Variants in APH1B observed in about 807,000 individuals in gnomAD.
APH1B encodes the protein aph-1B gamma-secretase subunit, also known as gamma-secretase subunit APH-1B.
Under a neutral mutation model 28.2 loss-of-function variants are expected in APH1B, and 27 were observed. The ratio of observed to expected loss-of-function variants is 0.96; its 90% confidence interval spans 0.70 to 1.32. APH1B has a LOEUF of 1.32. Among genes scored for constraint, APH1B ranks in the 40% most tolerant of loss-of-function variants. The pLI, the probability that APH1B is intolerant of heterozygous loss-of-function variation, is 0.00. For missense variants in APH1B, 305 were observed against 313.6 expected (o/e 0.97, Z 0.21); for synonymous variants, 141 against 124.6 (o/e 1.13, Z -0.88).
intron 4 of APH1B, among the ~76,000 whole-genome samples, chr15:63,294,108 CA>C (rs1314789439): frequency 3.5e-5 from 5 of 143,658 alleles, no homozygotes; most frequent in African/African-American, 8.0e-5. Flanking sequence ...ATTTCACAGA[CA>C]TTTTTTTTTT....
chr15:63,289,561 C>T (rs538595528), intron 4 of APH1B, among the ~76,000 whole-genome samples: 10 of 152,306 alleles, frequency 6.6e-5, no homozygotes, highest in African/African-American at 1.2e-4. Flanking sequence ...ACCGACATGA[C>T]GCCACAAGTA....
At position 63,305,594 on chromosome 15, in the gene APH1B, G is replaced by C; in HGVS notation, c.607-20G>C. ...TAAGCTTGCTGTTATTACCCAAGCTGATTTATTTTTCTTTTGCAGACCTTC... is the reference window on the plus strand; with the variant it reads ...TAAGCTTGCTGTTATTACCCAAGCTCATTTATTTTTCTTTTGCAGACCTTC... On this transcript the variant is annotated intron_variant, in intron 5 of 5. Transcript: ENST00000261879. 6.2e-7 allele frequency: 1 copy of C among 1,612,684 alleles called. No individual in the cohort carries two copies. Among genetic ancestry groups the C allele is most frequent in the East Asian group, 2.2e-5 (1 of 44,882 alleles).
At chr15:63,286,515 T>C (rs1438238935) in intron 2 of APH1B, 43 bp from the exon 3 acceptor site, 1 of 1,475,666 alleles carries the variant, frequency 6.8e-7, no homozygotes. Flanking sequence ...TCTTCCTTTT[T>C]TTTTTTTTTT....
intron 4 of APH1B, among the ~76,000 whole-genome samples, chr15:63,298,703 T>C (rs571451489): frequency 1.3e-5 from 2 of 152,192 alleles, no homozygotes; most frequent in Non-Finnish European, 2.9e-5. Flanking sequence ...AAGCACTGTT[T>C]TTCCTTGTAA....
chr15:63,281,654 C>T (rs2038390395), intron 2 of APH1B, among the ~76,000 whole-genome samples: 1 of 151,920 alleles, frequency 6.6e-6, no homozygotes, highest in African/African-American at 2.4e-5. Flanking sequence ...CTGTTCTTCA[C>T]TGCCTTGCAT....
intron 2 of APH1B, among the ~76,000 whole-genome samples, chr15:63,280,567 G>A (rs771622935): frequency 6.6e-6 from 1 of 152,138 alleles, no homozygotes; most frequent in Non-Finnish European, 1.5e-5. Flanking sequence ...ACCAGATACT[G>A]AATTCCCTTT....
intron 4 of APH1B, among the ~76,000 whole-genome samples, chr15:63,295,728 CCCTCT>C (rs1399980189): frequency 6.6e-6 from 1 of 152,198 alleles, no homozygotes; most frequent in East Asian, 1.9e-4. Context: ...TTGACATATT[CCCTCT>C]ATGGGCCAAA....
chr15:63,293,607 C>T (rs572054790), intron 4 of APH1B, among the ~76,000 whole-genome samples: 20 of 152,094 alleles, frequency 1.3e-4, no homozygotes, highest in African/African-American at 4.1e-4. Context: ...AAGCGATTCT[C>T]CTGCCTCAGC....
intron 2 of APH1B, among the ~76,000 whole-genome samples, chr15:63,284,443 C>T (rs186537132): frequency 7.9e-5 from 12 of 152,210 alleles, no homozygotes; most frequent in East Asian, 3.9e-4. Flanking sequence ...CAAACTCCTG[C>T]GCTCAAGTGA....
rs944000373 is a variant in APH1B, at chr15:63,279,222, A to G, written c.175A>G (p.Ile59Val). Residue 59 changes from isoleucine (I) to valine (V), a missense_variant, in exon 2 of 6, where the codon ATT (isoleucine) becomes GTT (valine). By Grantham distance (29) the Ile-to-Val change is conservative. Transcript: ENST00000261879. ...CCTTGTTTGGTTCATGGCAAGAGTC[A>G]TTATTGACAACAAAGATGGACCAAC... Reference protein sequence around the residue: ...SSLVWFMARVIIDNKDGPTQK... With the variant: ...SSLVWFMARVVIDNKDGPTQK... The G allele has an allele frequency of 1.2e-6, 2 of 1,612,926 alleles. No individual in the cohort carries two copies. Among genetic ancestry groups the G allele is most frequent in the African/African-American group, 2.7e-5 (2 of 74,864 alleles).
intron 4 of APH1B, among the ~76,000 whole-genome samples, chr15:63,298,175 T>C (rs1407014350): frequency 1.3e-5 from 2 of 152,172 alleles, no homozygotes; most frequent in African/African-American, 4.8e-5. Flanking sequence ...GAAGAAATAA[T>C]CTACAAGAAT....
At chr15:63,293,655 G>A (rs2038530206) in intron 4 of APH1B, among the ~76,000 whole-genome samples, 1 of 152,066 alleles carries the variant, frequency 6.6e-6, no homozygotes, top group African/African-American at 2.4e-5. Context: ...GCGCCACCCT[G>A]CGCAGCTGAT....
At chr15:63,296,151 T>G (rs1164740250) in intron 4 of APH1B, among the ~76,000 whole-genome samples, 2 of 152,208 alleles carry the variant, frequency 1.3e-5, no homozygotes, top group Non-Finnish European at 2.9e-5. Context: ...CATTCAGCTC[T>G]GGGGCCCGAC....
intron 1 of APH1B, 34 bp downstream of exon 1, chr15:63,277,770 G>A: frequency 6.3e-7 from 1 of 1,591,316 alleles, no homozygotes; most frequent in Non-Finnish European, 8.6e-7. Context: ...CCGGACGCCG[G>A]GGCTCCCCTC....
intron 4 of APH1B, among the ~76,000 whole-genome samples, chr15:63,293,915 A>G (rs1298440547): frequency 1.3e-5 from 2 of 150,896 alleles, no homozygotes; most frequent in Non-Finnish European, 2.9e-5. Context: ...GGCACATGCC[A>G]CTAAACTCAG....
chr15:63,299,341 A>C (rs2038600121), intron 4 of APH1B, among the ~76,000 whole-genome samples: 1 of 152,198 alleles, frequency 6.6e-6, no homozygotes, highest in Admixed American at 6.5e-5. Context: ...ACTCACAGTA[A>C]TGCTCTTTTG....
At chr15:63,277,814 C>T in intron 1 of APH1B, 78 bp downstream of exon 1, 1 of 1,406,250 alleles carries the variant, frequency 7.1e-7, no homozygotes, top group African/African-American at 1.5e-5. Flanking sequence ...CTCGGCGCCC[C>T]CACCGCGCGG....
intron 3 of APH1B, 109 bp from the exon 4 acceptor site, chr15:63,287,315 A>G: frequency 6.9e-7 from 1 of 1,450,690 alleles, no homozygotes; most frequent in African/African-American, 1.4e-5. Flanking sequence ...CTTCAGGAAG[A>G]ACATAAGCAC....
intron 4 of APH1B, among the ~76,000 whole-genome samples, chr15:63,297,499 C>T (rs2038580385): frequency 6.6e-6 from 1 of 152,068 alleles, no homozygotes. Context: ...CATTGCACTC[C>T]AGTCTGGGTG....
Sources: allele counts gnomAD v4.1 joint callset (sites outside exome capture counted in the v4.1 genomes callset), GRCh38; gene constraint gnomAD v4.1.1; transcripts MANE v1.5; gene names NCBI Gene and HGNC (gene_info 2026-07-23, HGNC 2026-07-21).